The following SSC5D variants were observed in gnomAD, a reference collection of about 807,000 sequenced individuals.
The protein encoded by SSC5D is scavenger receptor cysteine rich family member with 5 domains, also known as soluble scavenger receptor cysteine-rich domain-containing protein SSC5D.
SSC5D carries 106 observed loss-of-function variants against 104.6 expected under a neutral mutation model. The observed-to-expected ratio is 1.01, with a 90% CI of 0.87 to 1.19. SSC5D has a LOEUF of 1.19. SSC5D is among the 50% of genes most tolerant of loss of function. The pLI, the probability that SSC5D is intolerant of heterozygous loss-of-function variation, is 0.00. For synonymous variants in SSC5D, 860 were observed against 883.5 expected (o/e 0.97, Z 0.47); for missense variants, 1,993 against 2,153.8 (o/e 0.93, Z 1.48).
At chr19:55,509,344 T>C (rs1987702426) in intron 12 of SSC5D, among the ~76,000 whole-genome samples, 2 of 152,268 alleles carry the variant, frequency 1.3e-5, no homozygotes, top group Middle Eastern at 3.4e-3. Flanking sequence ...TCTGCTTCCA[T>C]ACAGCAATTC....
At chr19:55,492,369 G>A (rs73057182) in intron 6 of SSC5D, 2,562 of 152,358 alleles carry the variant, frequency 0.017, 30 homozygotes, top group Middle Eastern at 0.054. Flanking sequence ...GTGCCTTCGT[G>A]TGCCTAGTGT....
intron 6 of SSC5D, 41 bp downstream of exon 6, chr19:55,491,121 G>A (rs1987133445): frequency 6.6e-7 from 1 of 1,522,118 alleles, no homozygotes. Flanking sequence ...GTCTTCCTCA[G>A]ACCCCAGCTC....
chr19:55,497,862 G>C lies in SSC5D; in HGVS notation c.1388-18G>C, dbSNP rs780419393. 22 of 1,506,126 alleles carry C rather than the reference G, an allele frequency of 1.5e-5. No homozygotes were observed. The highest frequency in any genetic ancestry group is 4.3e-5 in the Admixed American group (2 of 46,462). 93.3% of individuals were successfully genotyped at this position (1,506,126 alleles called of 1,614,324 possible). On this transcript the variant is annotated intron_variant, in intron 8 of 13. Coordinates refer to ENST00000389623, the MANE Select transcript of SSC5D (RefSeq NM_001144950.2). ...GCGGCTTCCCCGACTCTAATTCTTT[G>C]GGTCTCTTCTACCCCAGGGTCCCCC...
intron 12 of SSC5D, among the ~76,000 whole-genome samples, chr19:55,510,419 G>A (rs1987730101): frequency 6.6e-6 from 1 of 152,144 alleles, no homozygotes; most frequent in Non-Finnish European, 1.5e-5. Context: ...CATGATCTTG[G>A]CTCACTGCAA....
In SSC5D at chr19:55,491,064, G is replaced by C. The variant is rs374521484; in HGVS notation, c.879G>C (p.Ala293=). 1 of 1,549,800 alleles carries C rather than the reference G, an allele frequency of 6.5e-7. No homozygotes were observed. The highest frequency in any genetic ancestry group is 8.7e-7 in the Non-Finnish European group (1 of 1,146,652). ...GCAACTGTGACCACAGCGAGGATGCGGGGCTGGTCTGCACCGGTACGTCGG... is the reference window on the plus strand; with the variant it reads ...GCAACTGTGACCACAGCGAGGATGCCGGGCTGGTCTGCACCGGTACGTCGG... ...GRSNCDHSED[A]GLVCTGPAPR... is the part of the protein sequence containing the mutation. Residue 293 remains alanine (A), a synonymous_variant, in exon 6 of 14, where the codon GCG becomes GCC. Transcript: ENST00000389623.
Position 55,490,854 on chromosome 19 carries a change from TGAC to T in SSC5D, c.672_674del (p.Asp225del). On this transcript the variant is annotated inframe_deletion, in exon 6 of 14. Coordinates refer to ENST00000389623, the MANE Select transcript of SSC5D (RefSeq NM_001144950.2). ...ACGGCGGGCGCTGGGGCACCGTATG[TGAC>T]GATGGCTGGGACCTGCGCGACGCTG... is the stretch of plus-strand genomic sequence containing the variant. The T allele has an allele frequency of 6.5e-7, 1 of 1,547,022 alleles. No individual in the cohort carries two copies.
At chr19:55,517,187 ACCT>A in intron 13 of SSC5D, 34 bp from the exon 14 acceptor site, 1 of 1,510,378 alleles carries the variant, frequency 6.6e-7, no homozygotes, top group South Asian at 1.2e-5. Context: ...GAGCCGGTTG[ACCT>A]CAGACCGTCC....
At chr19:55,494,807 G>C (rs1345254057) in intron 8 of SSC5D, 24 bp downstream of exon 8, 1 of 1,517,888 alleles carries the variant, frequency 6.6e-7, no homozygotes, top group Non-Finnish European at 8.9e-7. Context: ...TGCTCCCCAA[G>C]AAAACAGGGT....
At chr19:55,507,413 C>T (rs1005696463) in intron 12 of SSC5D, among the ~76,000 whole-genome samples, 1 of 149,992 alleles carries the variant, frequency 6.7e-6, no homozygotes, top group South Asian at 2.1e-4. Context: ...CACTCTAGTC[C>T]CAGCACTTTG....
chr19:55,501,400 C>T (rs1439960331), intron 12 of SSC5D, among the ~76,000 whole-genome samples, 199 bp downstream of exon 12: 1 of 152,180 alleles, frequency 6.6e-6, no homozygotes, highest in African/African-American at 2.4e-5. Flanking sequence ...GCCAAGGACA[C>T]CATCTAAGAG....
chr19:55,504,993 T>G (rs1295560355), intron 12 of SSC5D, among the ~76,000 whole-genome samples: 1 of 151,940 alleles, frequency 6.6e-6, no homozygotes, highest in East Asian at 1.9e-4. Flanking sequence ...TAACCTGTTT[T>G]AAGTGATTTC....
chr19:55,516,063 G>A (rs113708202), intron 13 of SSC5D, among the ~76,000 whole-genome samples: 2 of 151,958 alleles, frequency 1.3e-5, no homozygotes, highest in Non-Finnish European at 2.9e-5. Flanking sequence ...AGAGGGTCAG[G>A]CTCCTCCTGC....
intron 2 of SSC5D, 133 bp downstream of exon 2, chr19:55,489,165 G>A (rs1019387902): frequency 1.4e-5 from 13 of 927,116 alleles, no homozygotes; most frequent in Middle Eastern, 3.6e-4. Context: ...CCCCAGCTCC[G>A]CAAGGGAATC....
chr19:55,504,329 G>A (rs1172434316), intron 12 of SSC5D: 19 of 1,407,000 alleles, frequency 1.4e-5, no homozygotes, highest in Non-Finnish European at 1.7e-5. Context: ...AAACTGCGCC[G>A]GTGAAATGAA....
chr19:55,516,043 C>G (rs1987863554), intron 13 of SSC5D, among the ~76,000 whole-genome samples: 2 of 152,150 alleles, frequency 1.3e-5, no homozygotes, highest in Non-Finnish European at 2.9e-5. Flanking sequence ...ACTTGGAAGA[C>G]AGCCCCAGAA....
At chr19:55,496,508 C>T (rs955420296) in intron 8 of SSC5D, among the ~76,000 whole-genome samples, 3 of 152,156 alleles carry the variant, frequency 2.0e-5, no homozygotes, top group South Asian at 4.1e-4. Flanking sequence ...TAACACTGAA[C>T]GAGCATGCAC....
At chr19:55,495,330 C>T (rs73057195) in intron 8 of SSC5D, among the ~76,000 whole-genome samples, 2,497 of 140,486 alleles carry the variant, frequency 0.018, 33 homozygotes, top group Middle Eastern at 0.056. Context: ...GAAGCCTCAA[C>T]CTCTCAACCT....
chr19:55,514,435 A>G lies in SSC5D; in HGVS notation c.2947+1263A>G, dbSNP rs1217023879. ...AATAATAATAATAATAATAATAATA[A>G]TAATAATAATAATAATAATAATAGG... On this transcript the variant is annotated intron_variant, in intron 13 of 13. Transcript: ENST00000389623. Among the ~76,000 whole-genome samples the G allele has an allele frequency of 6.1e-4, 46 of 75,332 alleles. 1 individual carries two copies. Among genetic ancestry groups the G allele is most frequent in the Middle Eastern group, 4.8e-3 (1 of 208 alleles). 49.4% of individuals were successfully genotyped at this position (75,332 alleles called of 152,430 possible). A position where few individuals can be genotyped will look rare whatever the true frequency, so the allele number is the denominator to read the frequency against.
Position 55,519,048 on chromosome 19 carries a change from AAAAC to A in SSC5D, c.*54_*57del. ...AAGACACCCCCAACCAAAAAAAACA[AAAAC>A]AAAAAAAACCCCCAAAGTATCTAAT... On this transcript the variant is annotated 3_prime_UTR_variant, in exon 14 of 14. Transcript: ENST00000389623. 6.7e-7 allele frequency: 1 copy of A among 1,497,308 alleles called. No homozygotes were observed. The highest frequency in any genetic ancestry group is 8.9e-7 in the Non-Finnish European group (1 of 1,121,510). 92.8% of individuals were successfully genotyped at this position (1,497,308 alleles called of 1,614,324 possible).
Sources: gnomAD v4.1 joint callset for allele counts (sites outside exome capture counted in the v4.1 genomes callset) on GRCh38, gnomAD v4.1.1 for gene constraint, MANE v1.5 for transcripts, NCBI Gene and HGNC (gene_info 2026-07-23, HGNC 2026-07-21) for gene names.